Variants in METTL9 observed in about 807,000 individuals in gnomAD.
METTL9 encodes the protein methyltransferase 9, His-X-His N1(pi)-histidine.
METTL9 carries 10 observed loss-of-function variants against 36.0 expected under a neutral mutation model. The ratio of observed to expected loss-of-function variants is 0.28; its 90% CI spans 0.17 to 0.47. The LOEUF (loss-of-function observed/expected upper bound fraction) is 0.47. METTL9 is among the 20% of genes least tolerant of loss of function. The pLI is 0.99. For synonymous variants in METTL9, 175 were observed against 149.7 expected (o/e 1.17, Z -1.23); for missense variants, 246 against 383.5 (o/e 0.64, Z 3.00).
In METTL9 at chr16:21,618,016, A is replaced by G; in HGVS notation, c.508A>G (p.Ile170Val). Residue 170 changes from isoleucine (I) to valine (V), a missense_variant, in exon 3 of 5, where the codon ATC becomes GTC. Ile to Val is a conservative substitution (Grantham distance 29, BLOSUM62 3). This residue lies in a region of METTL9 where 146 missense variants were observed against 302.1 expected (regional missense o/e 0.48). Transcript: ENST00000358154. ...AATCATGAGCCCTCATTTTGAAGAA[A>G]TCTATGCCACTGAGCTTTCTGAAAC... ...TKIMSPHFEE[I>V]YATELSETMI... The G allele has an allele frequency of 6.2e-7, 1 of 1,611,444 alleles. No homozygotes were observed.
chr16:21,600,671 A>G (rs544216434), intron 1 of METTL9, among the ~76,000 whole-genome samples: 4 of 152,312 alleles, frequency 2.6e-5, no homozygotes, highest in African/African-American at 9.6e-5. Context: ...CCGGGTAGGT[A>G]GGCTTTTCAT....
rs139440141 is a variant in METTL9 at position 21,614,185 on chromosome 16, C to T, written c.356+1350C>T. 1.3e-3 allele frequency among the ~76,000 whole-genome samples: 205 copies of T among 152,252 alleles called. 3 individuals are homozygous for T. The East Asian group carries it at 0.034, about 25-fold the overall frequency. On this transcript the variant is annotated intron_variant, in intron 2 of 4. Coordinates refer to ENST00000358154, the MANE Select transcript of METTL9 (RefSeq NM_016025.5). The stretch of plus-strand genomic sequence containing the variant: ...GTTGAGTTGATACAACTTGGTCTGA[C>T]ATTTTGTTCCTTAAATTGGTTATAT...
At chr16:21,621,480 C>T (rs1965691709) in intron 3 of METTL9, among the ~76,000 whole-genome samples, 1 of 152,154 alleles carries the variant, frequency 6.6e-6, no homozygotes. Flanking sequence ...CGCATGCCGC[C>T]ACACCCAGCT....
chr16:21,629,094 A>G (rs965627273), intron 4 of METTL9, among the ~76,000 whole-genome samples: 23 of 151,856 alleles, frequency 1.5e-4, no homozygotes, highest in African/African-American at 4.4e-4. Context: ...GGGTTTCGCT[A>G]TGTTGGCCAG....
chr16:21,649,077 A>G (rs1055337303), intron 4 of METTL9, among the ~76,000 whole-genome samples: 3 of 151,934 alleles, frequency 2.0e-5, no homozygotes, highest in African/African-American at 7.3e-5. Context: ...TGCAACTGTG[A>G]CCTCCCAGGT....
chr16:21,625,216 T>A, intron 4 of METTL9, 101 bp downstream of exon 4: 1 of 1,303,042 alleles, frequency 7.7e-7, no homozygotes, highest in Non-Finnish European at 1.1e-6. Context: ...GTATGTCTTA[T>A]AATAGCCTGC....
chr16:21,622,176 G>GTTTTT (rs1965721615), intron 3 of METTL9, among the ~76,000 whole-genome samples: 1 of 28,404 alleles, frequency 3.5e-5, no homozygotes, highest in Non-Finnish European at 6.3e-5. Context: ...ACAGGATCTT[G>GTTTTT]CTTTGTCGTC....
intron 4 of METTL9, chr16:21,652,263 G>A (rs757309832): frequency 1.2e-4 from 37 of 309,434 alleles, no homozygotes; most frequent in African/African-American, 5.6e-4. Context: ...TTATACCTAC[G>A]ATTTTAAGAA....
chr16:21,607,274 C>T (rs768070332), intron 1 of METTL9, among the ~76,000 whole-genome samples: 4 of 152,100 alleles, frequency 2.6e-5, no homozygotes, highest in African/African-American at 9.7e-5. Context: ...GGGGTTTCAC[C>T]ATGTTGGCCA....
chr16:21,639,561 A>G (rs1966193033), intron 4 of METTL9: 1 of 152,246 alleles, frequency 6.6e-6, no homozygotes, highest in Non-Finnish European at 1.5e-5. Flanking sequence ...TTATTTTGGA[A>G]TATGGCAGGA....
chr16:21,630,038 T>C (rs900165414), intron 4 of METTL9, among the ~76,000 whole-genome samples: 5 of 152,154 alleles, frequency 3.3e-5, no homozygotes, highest in Admixed American at 2.6e-4. Context: ...AGAGTGCTGA[T>C]TGGTGTGTTT....
At chr16:21,600,432 A>G (rs1463139118) in intron 1 of METTL9, among the ~76,000 whole-genome samples, 1 of 152,158 alleles carries the variant, frequency 6.6e-6, no homozygotes, top group African/African-American at 2.4e-5. Flanking sequence ...TTGGGGTGAC[A>G]TTTCTCCCTA....
intron 3 of METTL9, among the ~76,000 whole-genome samples, chr16:21,623,075 T>C (rs1250915328): frequency 6.6e-6 from 1 of 152,196 alleles, no homozygotes; most frequent in African/African-American, 2.4e-5. Context: ...TAGTAATGTT[T>C]GGAAACTCTT....
At chr16:21,621,434 G>T (rs892824863) in intron 3 of METTL9, among the ~76,000 whole-genome samples, 2 of 151,618 alleles carry the variant, frequency 1.3e-5, no homozygotes, top group African/African-American at 4.8e-5. Context: ...CAAGTGATTA[G>T]CCTGCCTCAG....
intron 3 of METTL9, among the ~76,000 whole-genome samples, chr16:21,621,147 AGAGT>A (rs1965682178): frequency 6.7e-6 from 1 of 149,850 alleles, no homozygotes; most frequent in Non-Finnish European, 1.5e-5. Flanking sequence ...TTTGAGAGAG[AGAGT>A]GTGTGTGTGT....
chr16:21,602,965 T>C lies in METTL9; in HGVS notation c.165+3067T>C, dbSNP rs971696411. On this transcript the variant is annotated intron_variant, in intron 1 of 4. Transcript: ENST00000358154. The stretch of plus-strand genomic sequence containing the variant: ...TGAGGTACTACACCCAGCCCACAAA[T>C]AAAGTTTTATTGAAAGAGAACTACC... 1.2e-4 allele frequency among the ~76,000 whole-genome samples: 18 copies of C among 152,050 alleles called. 1 individual carries two copies. The highest frequency in any genetic ancestry group is 4.1e-4 in the African/African-American group (17 of 41,482).
intron 1 of METTL9, among the ~76,000 whole-genome samples, chr16:21,600,214 G>A (rs1965080443): frequency 6.6e-6 from 1 of 152,168 alleles, no homozygotes; most frequent in African/African-American, 2.4e-5. Flanking sequence ...GCCCGGCAGC[G>A]GGACTGGGGA....
At position 21,635,422 on chromosome 16, in the gene METTL9, G is replaced by T. The variant is rs533316463; in HGVS notation, c.751+10307G>T. Among the ~76,000 whole-genome samples, 5 of 152,156 alleles carry T rather than the reference G, an allele frequency of 3.3e-5. No homozygotes were observed. The South Asian group carries it at 1.0e-3, about 32-fold the overall frequency. On this transcript the variant is annotated intron_variant, in intron 4 of 4. Transcript: ENST00000358154. ...AGCTATAGGGAGGCTAGGATATGGG[G>T]GGTAAGCTGAGCGGTCCTCCTGTGG...
chr16:21,639,385 A>T (rs1032122405), intron 4 of METTL9, among the ~76,000 whole-genome samples: 16 of 152,326 alleles, frequency 1.1e-4, no homozygotes, highest in African/African-American at 3.8e-4. Context: ...ACCAAAATGT[A>T]ATGACTCCCA....
Sources: gnomAD v4.1 joint callset for allele counts (sites outside exome capture counted in the v4.1 genomes callset) on GRCh38, gnomAD v4.1.1 for gene constraint, gnomAD v4.1.1 regional missense constraint, MANE v1.5 for transcripts, NCBI Gene and HGNC (gene_info 2026-07-23, HGNC 2026-07-21) for gene names.